The following MCM3AP variants were observed in gnomAD, a reference collection of about 807,000 sequenced individuals.
MCM3AP encodes the protein germinal-center associated nuclear protein.
In MCM3AP, 126 loss-of-function variants were observed where a neutral mutation model predicts 184.1. That is an observed-to-expected ratio of 0.68 (90% CI 0.59 to 0.79). The LOEUF (loss-of-function observed/expected upper bound fraction) is 0.79, where lower values mean the gene tolerates loss of function less well. Ranked by LOEUF, MCM3AP falls within the 30% of genes least tolerant of loss-of-function variation. The pLI is 0.00. For synonymous variants in MCM3AP, 1,002 were observed against 979.3 expected (o/e 1.02, Z -0.43); for missense variants, 2,496 against 2,479.2 (o/e 1.01, Z -0.14).
Position 46,277,496 on chromosome 21 carries a change from C to A in MCM3AP, c.1858+31G>T, listed in dbSNP as rs771854013. 4.0e-6 allele frequency: 6 copies of A among 1,494,832 alleles called. No individual in the cohort carries two copies. In the East Asian group the frequency reaches 9.8e-5, roughly 24 times the overall value. The allele number at this position is 1,494,832 out of a possible 1,614,324, so 92.6% of individuals were successfully genotyped here. A position where few individuals can be genotyped will look rare whatever the true frequency, so the allele number is the denominator to read the frequency against. ...CACCCAAGATGACGACCTCACCAGGCCCCTAGAACCTCTGCCACCAAGTGC... is the reference window on the plus strand; with the variant it reads ...CACCCAAGATGACGACCTCACCAGGACCCTAGAACCTCTGCCACCAAGTGC... On this transcript the variant is annotated intron_variant, in intron 5 of 27. Coordinates refer to ENST00000291688, the MANE Select transcript of MCM3AP (RefSeq NM_003906.5).
intron 24 of MCM3AP, 157 bp downstream of exon 24, chr21:46,243,308 G>C (rs1467060239): frequency 5.4e-6 from 5 of 928,588 alleles, no homozygotes; most frequent in Non-Finnish European, 8.1e-6. Flanking sequence ...CTGTCTCAAT[G>C]TTTTTAAGTC....
At chr21:46,286,106 G>A (rs960360193), upstream of MCM3AP, 3 of 152,190 alleles carry the variant, frequency 2.0e-5, no homozygotes, top group Non-Finnish European at 4.4e-5. Context: ...GCTGCGTGGG[G>A]GAAGGAAACG....
intron 2 of MCM3AP, among the ~76,000 whole-genome samples, chr21:46,280,812 CTT>C (rs5844262): frequency 1.3e-5 from 2 of 148,586 alleles, no homozygotes; most frequent in Admixed American, 6.7e-5. Flanking sequence ...CTCTTTCCCC[CTT>C]TTTTTTTTTG....
Position 46,246,318 on chromosome 21 carries a change from C to T in MCM3AP, c.4636G>A (p.Gly1546Ser). ...TGATGAAACCTTACCTTAGTTGAAC[C>T]TTGTAGATCATTAATGGTATCAGGG... ...EIPDTINDLQ[G>S]STKVLQAVQW... is the part of the protein sequence containing the mutation. The change falls in exon 22 of 28, where the codon GGT becomes AGT. Residue 1546 changes from glycine (G) to serine (S), a missense_variant. This residue lies in a region of MCM3AP where 1,323 missense variants were observed against 1,273.4 expected (regional missense o/e 1.04). Coordinates refer to ENST00000291688, the MANE Select transcript of MCM3AP (RefSeq NM_003906.5). 1.2e-6 allele frequency: 2 copies of T among 1,604,446 alleles called. No individual in the cohort carries two copies. Among genetic ancestry groups the T allele is most frequent in the Non-Finnish European group, 1.7e-6 (2 of 1,171,116 alleles).
intron 26 of MCM3AP, among the ~76,000 whole-genome samples, chr21:46,240,379 T>A (rs1049126325): frequency 3.9e-5 from 6 of 151,996 alleles, no homozygotes; most frequent in Admixed American, 2.0e-4. Context: ...AGGAAAGGTA[T>A]GCATGGGAGG....
At position 46,246,688 on chromosome 21, in the gene MCM3AP, G is replaced by A. The variant is rs1360639869; in HGVS notation, c.4489C>T (p.Pro1497Ser). 4.3e-6 allele frequency: 7 copies of A among 1,614,228 alleles called. No individual in the cohort carries two copies. The highest frequency in any genetic ancestry group is 5.9e-6 in the Non-Finnish European group (7 of 1,180,030). ...LQAKPFQPAL[P>S]LVVLVPSPGG... ...GGGCTAGGCACAAGAACCACCAGAG[G>A]AAGCGCAGGCTGGAAGGGCTTAGCC... The change falls in exon 21 of 28, where the codon CCT becomes TCT. Residue 1497 changes from proline to serine, a missense_variant. Pro to Ser is a moderately conservative substitution (Grantham distance 74, BLOSUM62 -1). This residue lies in a region of MCM3AP where 1,323 missense variants were observed against 1,273.4 expected (regional missense o/e 1.04). Coordinates refer to ENST00000291688, the MANE Select transcript of MCM3AP (RefSeq NM_003906.5).
intron 2 of MCM3AP, among the ~76,000 whole-genome samples, 191 bp downstream of exon 2, chr21:46,283,424 T>C (rs1001054879): frequency 6.6e-6 from 1 of 152,212 alleles, no homozygotes; most frequent in Non-Finnish European, 1.5e-5. Context: ...TAGAGTACTA[T>C]ATTCTGTAGG....
In MCM3AP at chr21:46,244,950, G is replaced by A. The variant is rs1439631524; in HGVS notation, c.4895C>T (p.Ser1632Phe). The change falls in exon 23 of 28, where the codon TCC becomes TTC. Residue 1632 changes from serine to phenylalanine, a missense_variant. Coordinates refer to ENST00000291688, the MANE Select transcript of MCM3AP (RefSeq NM_003906.5). ...CTCAGCAAACTCAGTGACAGGCCAG[G>A]ACAGGTCACACAGCTGTTCAGAGGA... is the stretch of plus-strand genomic sequence containing the variant. ...VVSSEQLCDLSWPVTEFAEAG... is the reference protein window; with the variant it reads ...VVSSEQLCDLFWPVTEFAEAG... The A allele has an allele frequency of 9.9e-6, 16 of 1,614,102 alleles. No individual in the cohort carries two copies. Among genetic ancestry groups the A allele is most frequent in the African/African-American group, 1.3e-5 (1 of 74,942 alleles).
At position 46,254,512 on chromosome 21, in the gene MCM3AP, G is replaced by A. The variant is rs755768894; in HGVS notation, c.4016C>T (p.Ala1339Val). 7 of 1,613,952 alleles carry A rather than the reference G, an allele frequency of 4.3e-6. No homozygotes were observed. The highest frequency in any genetic ancestry group is 1.3e-5 in the African/African-American group (1 of 74,936). Residue 1339 changes from alanine (A) to valine (V), a missense_variant, in exon 19 of 28, where the codon GCG (alanine) becomes GTG (valine). Ala to Val is a moderately conservative substitution (Grantham distance 64). Around this residue, in one of 5 missense-constraint regions of MCM3AP, gnomAD observed 1,323 missense variants for 1,273.4 expected, o/e 1.04. Transcript: ENST00000291688. ...CACGAGGGATGGCAGGTCCAGAGAC[G>A]CCCATGCCACATCACTGGGAGGAAC... ...YQQLLSDVAWASLDLPSLVAE... is the reference protein window; with the variant it reads ...YQQLLSDVAWVSLDLPSLVAE...
At chr21:46,282,315 A>G (rs2081343527) in intron 2 of MCM3AP, among the ~76,000 whole-genome samples, 2 of 152,188 alleles carry the variant, frequency 1.3e-5, no homozygotes, top group Admixed American at 6.6e-5. Context: ...AAGTAGAAAC[A>G]ACCCGCGTCT....
chr21:46,240,775 C>T (rs759239516), intron 26 of MCM3AP, 36 bp downstream of exon 26: 2 of 1,591,442 alleles, frequency 1.3e-6, no homozygotes, highest in South Asian at 2.2e-5. Flanking sequence ...ATAAAGCAGA[C>T]TAAACACACA....
At position 46,267,053 on chromosome 21, in the gene MCM3AP, G is replaced by A. The variant is rs769610906; in HGVS notation, c.2718C>T (p.Arg906=). The change falls in exon 10 of 28, where the codon CGC becomes CGT. Residue 906 remains arginine (R), a synonymous_variant. Coordinates refer to ENST00000291688, the MANE Select transcript of MCM3AP (RefSeq NM_003906.5). The part of the protein sequence containing the change: ...STIFPLDGVV[R]MLLFRDCEEA... ...CTTCACAGTCTCTGAACAGCAGCAT[G>A]CGCACCACACCATCCAGGGGAAAGA... 6.2e-7 allele frequency: 1 copy of A among 1,614,228 alleles called. No homozygotes were observed. Among genetic ancestry groups the A allele is most frequent in the Non-Finnish European group, 8.5e-7 (1 of 1,180,030 alleles).
In MCM3AP at chr21:46,285,181, G is replaced by A. The variant is rs779215955; in HGVS notation, c.106C>T (p.Pro36Ser). Residue 36 changes from proline (P) to serine (S), a missense_variant, in exon 1 of 28, where the codon CCT becomes TCT. Physicochemically the swap from Pro to Ser is moderately conservative, Grantham distance 74. Transcript: ENST00000291688. ...GTACTGTTTTGTCCAAAAAGAGAAGGTTGACCAAATCGAAATGGCGGCTTA... is the reference window on the plus strand; with the variant it reads ...GTACTGTTTTGTCCAAAAAGAGAAGATTGACCAAATCGAAATGGCGGCTTA... ...PSKPPFRFGQPSLFGQNSTLS... is the reference protein window; with the variant it reads ...PSKPPFRFGQSSLFGQNSTLS... The A allele has an allele frequency of 6.2e-7, 1 of 1,614,242 alleles. No homozygotes were observed. Among genetic ancestry groups the A allele is most frequent in the South Asian group, 1.1e-5 (1 of 91,090 alleles).
chr21:46,242,616 G>T, intron 25 of MCM3AP, 186 bp downstream of exon 25: 1 of 484,346 alleles, frequency 2.1e-6, no homozygotes, highest in Admixed American at 4.0e-5. Flanking sequence ...CCTGATAAAT[G>T]AAGTGAGATG....
At chr21:46,256,251 G>A (rs1019236984) in intron 17 of MCM3AP, among the ~76,000 whole-genome samples, 3 of 152,198 alleles carry the variant, frequency 2.0e-5, no homozygotes, top group South Asian at 2.1e-4. Context: ...CTGAGGAGCC[G>A]GTTCTGCTCG....
At chr21:46,266,198 G>A (rs376232128) in intron 10 of MCM3AP, 32 bp from the exon 11 acceptor site, 21 of 1,568,510 alleles carry the variant, frequency 1.3e-5, no homozygotes, top group South Asian at 7.3e-5. Flanking sequence ...CCCGAGGGGT[G>A]TCACCAGGGG....
Position 46,256,989 on chromosome 21 carries a change from G to T in MCM3AP, c.3735-3C>A, listed in dbSNP as rs371194956. ...GGGCTGTGACAGCTTCCCTCCACCT[G>T]GGGACATGAAAATGTATCATCACAG... On this transcript the variant is annotated splice_polypyrimidine_tract_variant and splice_region_variant and intron_variant, in intron 16 of 27. Transcript: ENST00000291688. 441 of 1,608,698 alleles carry T rather than the reference G, an allele frequency of 2.7e-4. 2 individuals carry two copies. Among genetic ancestry groups the T allele is most frequent in the Non-Finnish European group, 3.0e-4 (348 of 1,176,918 alleles).
At position 46,284,944 on chromosome 21, in the gene MCM3AP, G is replaced by A. The variant is rs138351858; in HGVS notation, c.343C>T (p.Pro115Ser). 23 of 1,614,076 alleles carry A rather than the reference G, an allele frequency of 1.4e-5. No individual in the cohort carries two copies. In the African/African-American group the frequency reaches 2.4e-4, roughly 17 times the overall value. Residue 115 changes from proline (P) to serine (S), a missense_variant, in exon 1 of 28, where the codon CCC becomes TCC. Physicochemically the swap from Pro to Ser is moderately conservative, Grantham distance 74. Coordinates refer to ENST00000291688, the MANE Select transcript of MCM3AP (RefSeq NM_003906.5). ...LGNTGFSFKS[P>S]TSVGAFPSTS... ...CTTGGGAAAGCCCCAACACTGGTGG[G>A]TGATTTAAAACTAAATCCTGTGTTT...
At chr21:46,270,322 C>T in intron 9 of MCM3AP, 79 bp downstream of exon 9, 1 of 1,395,516 alleles carries the variant, frequency 7.2e-7, no homozygotes, top group Non-Finnish European at 9.8e-7. Context: ...CTTTGAAAAG[C>T]TTGGAATAAG....
Sources: allele counts gnomAD v4.1 joint callset (sites outside exome capture counted in the v4.1 genomes callset), GRCh38; gene constraint gnomAD v4.1.1; regional missense constraint gnomAD v4.1.1; transcripts MANE v1.5; gene names NCBI Gene and HGNC (gene_info 2026-07-23, HGNC 2026-07-21).